TNRC6C: variants seen among roughly 807,000 people sequenced by gnomAD.
TNRC6C encodes the protein trinucleotide repeat containing adaptor 6C.
A neutral mutation model predicts 153.7 loss-of-function variants in TNRC6C; 20 were observed. The ratio of observed to expected loss-of-function variants is 0.13; its 90% CI spans 0.09 to 0.19. TNRC6C has a LOEUF of 0.19. Ranked by LOEUF, TNRC6C falls within the 10% of genes least tolerant of loss-of-function variation. TNRC6C has a pLI of 1.00. For synonymous variants in TNRC6C, 811 were observed against 841.4 expected, an observed-to-expected ratio of 0.96 and a Z score of 0.63; for missense variants, 1,987 against 2,172.0, an observed-to-expected ratio of 0.91 and a Z score of 1.69.
upstream of TNRC6C, among the ~76,000 whole-genome samples, chr17:78,003,175 C>T (rs1424351856): frequency 2.0e-5 from 3 of 152,072 alleles, no homozygotes; most frequent in Admixed American, 6.6e-5. Context: ...GGTAAAACAG[C>T]CAGTTCCCTA....
intron 17 of TNRC6C, among the ~76,000 whole-genome samples, chr17:78,100,904 T>C (rs887897647): frequency 1.3e-5 from 2 of 150,664 alleles, no homozygotes; most frequent in Non-Finnish European, 2.9e-5. Context: ...GCCTCCCGAG[T>C]AGCTGGGACT....
intron 1 of TNRC6C, among the ~76,000 whole-genome samples, chr17:77,960,368 T>A (rs913769360): frequency 6.6e-6 from 1 of 152,216 alleles, no homozygotes; most frequent in African/African-American, 2.4e-5. Context: ...GTGTTCACGT[T>A]GACGTACTTC....
intron 2 of TNRC6C, among the ~76,000 whole-genome samples, chr17:78,037,108 T>C (rs1269861761): frequency 6.6e-6 from 1 of 152,238 alleles, no homozygotes; most frequent in Non-Finnish European, 1.5e-5. Flanking sequence ...CTTGCTTCTA[T>C]AGAAAATTGC....
upstream of TNRC6C, among the ~76,000 whole-genome samples, chr17:77,958,523 G>A (rs2070830147): frequency 6.6e-6 from 1 of 151,998 alleles, no homozygotes; most frequent in Admixed American, 6.5e-5. Context: ...GCCGGGAGGG[G>A]CGCGCGGGGG....
chr17:78,086,356 A>AAAC (rs2073288559), intron 11 of TNRC6C, 147 bp from the exon 14 acceptor site: 1 of 487,962 alleles, frequency 2.0e-6, no homozygotes, highest in Admixed American at 3.6e-5. Context: ...AAAAAAAAAA[A>AAAC]AAAACAGTAT....
At chr17:78,086,730 G>C in intron 12 of TNRC6C, 123 bp from the exon 15 acceptor site, 1 of 1,565,846 alleles carries the variant, frequency 6.4e-7, no homozygotes, top group Non-Finnish European at 8.7e-7. Context: ...CTAGGTTTGG[G>C]AGGAGGTTGG....
chr17:77,961,114 T>G (rs2070858321), intron 1 of TNRC6C, among the ~76,000 whole-genome samples: 1 of 152,072 alleles, frequency 6.6e-6, no homozygotes, highest in African/African-American at 2.4e-5. Context: ...CTTCTGTGCT[T>G]CTTGTCCAAA....
At chr17:78,097,885 G>A (rs1174073430) in intron 16 of TNRC6C, 24 bp downstream of exon 19, 1 of 1,483,568 alleles carries the variant, frequency 6.7e-7, no homozygotes, top group Non-Finnish European at 9.0e-7. Context: ...CTCTAGACTT[G>A]CAGGTAGCAT....
chr17:78,066,385 T>C (rs1014306371), intron 4 of TNRC6C: 2 of 152,206 alleles, frequency 1.3e-5, no homozygotes, highest in African/African-American at 4.8e-5. Context: ...TAATACTCGA[T>C]AGTATGTTCC....
At chr17:78,006,548 TCTTCTTCTTCTTC>T (rs1388290706) in intron 1 of TNRC6C, among the ~76,000 whole-genome samples, 58 of 125,478 alleles carry the variant, frequency 4.6e-4, no homozygotes, top group South Asian at 3.6e-3. Flanking sequence ...TTCTTCTTCT[TCTTCTTCTTCTTC>T]CTTCTTCCTT....
At chr17:78,060,780 A>AT (rs2072752561) in intron 3 of TNRC6C, among the ~76,000 whole-genome samples, 1 of 152,236 alleles carries the variant, frequency 6.6e-6, no homozygotes, top group Non-Finnish European at 1.5e-5. Context: ...AGGACTGCCC[A>AT]TCACACTTAT....
At chr17:78,090,799 A>G (rs1476689850) in intron 13 of TNRC6C, among the ~76,000 whole-genome samples, 2 of 152,222 alleles carry the variant, frequency 1.3e-5, no homozygotes, top group Non-Finnish European at 2.9e-5. Context: ...CCTTAAAAGT[A>G]GTTTGATACT....
chr17:78,007,962 A>G (rs1349806721), intron 1 of TNRC6C, among the ~76,000 whole-genome samples: 1 of 152,142 alleles, frequency 6.6e-6, no homozygotes, highest in Non-Finnish European at 1.5e-5. Context: ...TTAAATTTGG[A>G]TTTGTTTTAA....
chr17:77,998,558 T>C (rs951406953), intron 1 of TNRC6C, among the ~76,000 whole-genome samples: 4 of 152,248 alleles, frequency 2.6e-5, no homozygotes, highest in Non-Finnish European at 4.4e-5. Context: ...AATTTTTCTC[T>C]GTTAAGTTCA....
intron 1 of TNRC6C, among the ~76,000 whole-genome samples, chr17:78,015,921 T>C (rs1282856629): frequency 1.3e-5 from 2 of 152,038 alleles, no homozygotes; most frequent in African/African-American, 4.8e-5. Flanking sequence ...CAATAATAAA[T>C]AAATAAAACT....
At chr17:78,042,333 T>G (rs2072313321) in intron 2 of TNRC6C, among the ~76,000 whole-genome samples, 1 of 152,188 alleles carries the variant, frequency 6.6e-6, no homozygotes, top group Non-Finnish European at 1.5e-5. Flanking sequence ...TTCTGAAAAC[T>G]CAGATTTCAG....
chr17:78,003,428 G>C (rs2071443754), upstream of TNRC6C, among the ~76,000 whole-genome samples: 1 of 152,166 alleles, frequency 6.6e-6, no homozygotes, highest in East Asian at 1.9e-4. Context: ...AACAAGAACA[G>C]GGTGTTGTGG....
upstream of TNRC6C, among the ~76,000 whole-genome samples, chr17:78,003,887 G>A (rs958096058): frequency 6.6e-6 from 1 of 152,192 alleles, no homozygotes; most frequent in South Asian, 2.1e-4. Context: ...CTGGACTGTA[G>A]GAGCTGTATC....
At chr17:78,046,554 A>G (rs2072415062) in intron 2 of TNRC6C, among the ~76,000 whole-genome samples, 1 of 152,052 alleles carries the variant, frequency 6.6e-6, no homozygotes, top group Non-Finnish European at 1.5e-5. Context: ...TTTAGCTTTC[A>G]TTATATGATA....
Sources: gnomAD v4.1 joint callset for allele counts (sites outside exome capture counted in the v4.1 genomes callset) on GRCh38, gnomAD v4.1.1 for gene constraint, MANE v1.5 for transcripts, NCBI Gene and HGNC (gene_info 2026-07-23, HGNC 2026-07-21) for gene names.